Variants in ADGRL3 observed in about 807,000 individuals in gnomAD.
ADGRL3 encodes the protein adhesion G protein-coupled receptor L3, also known as calcium-independent alpha-latrotoxin receptor 3.
ADGRL3 carries 62 observed loss-of-function variants against 153.5 expected under a neutral mutation model. The observed-to-expected ratio is 0.40, with a 90% confidence interval of 0.33 to 0.50. The LOEUF (loss-of-function observed/expected upper bound fraction) is 0.50, where lower values mean the gene tolerates loss of function less well. Among genes scored for constraint, ADGRL3 ranks in the 20% least tolerant of loss-of-function variants. The pLI, the probability that ADGRL3 is intolerant of heterozygous loss-of-function variation, is 0.47. For missense variants in ADGRL3, 1,641 were observed against 1,859.4 expected, an observed-to-expected ratio of 0.88 and a Z score of 2.16; for synonymous variants, 710 against 672.5, an observed-to-expected ratio of 1.06 and a Z score of -0.86.
intron 6 of ADGRL3, among the ~76,000 whole-genome samples, chr4:61,715,680 A>G (rs1025056731): frequency 1.3e-5 from 2 of 152,130 alleles, no homozygotes; most frequent in African/African-American, 2.4e-5. Context: ...AAGATGTCAC[A>G]TAGCTATTTT....
At chr4:61,549,374 G>C (rs1398356093) in intron 4 of ADGRL3, among the ~76,000 whole-genome samples, 2 of 152,062 alleles carry the variant, frequency 1.3e-5, no homozygotes, top group Non-Finnish European at 2.9e-5. Context: ...ATTGATGAGA[G>C]AGGGCATCTT....
intron 9 of ADGRL3, among the ~76,000 whole-genome samples, chr4:61,844,519 C>G (rs2098083811): frequency 8.6e-6 from 1 of 116,562 alleles, no homozygotes; most frequent in Non-Finnish European, 1.6e-5. Flanking sequence ...TGCACTCCAG[C>G]CTGGGTGACA....
chr4:61,216,286 A>G (rs962139313), intron 1 of ADGRL3, among the ~76,000 whole-genome samples: 1 of 152,088 alleles, frequency 6.6e-6, no homozygotes, highest in African/African-American at 2.4e-5. Context: ...TATTTTTATC[A>G]TATTTCTCTA....
chr4:61,236,008 CTTTT>C (rs55932029), intron 1 of ADGRL3, among the ~76,000 whole-genome samples: 2 of 95,852 alleles, frequency 2.1e-5, no homozygotes, highest in African/African-American at 8.3e-5. Flanking sequence ...CTTTTCTTTT[CTTTT>C]TTTTTTTTTT....
chr4:61,955,448 T>C (rs989294), intron 17 of ADGRL3, among the ~76,000 whole-genome samples: 14,053 of 152,192 alleles, frequency 0.092, 792 homozygotes, highest in East Asian at 0.18. Context: ...AGATCAAATA[T>C]ACTTTGAAAT....
intron 9 of ADGRL3, among the ~76,000 whole-genome samples, chr4:61,883,161 C>G (rs2098518531): frequency 6.6e-6 from 1 of 152,114 alleles, no homozygotes; most frequent in African/African-American, 2.4e-5. Flanking sequence ...CCTCCCCCAA[C>G]ACAGCCTATC....
At chr4:61,700,927 C>T (rs1402220464) in intron 6 of ADGRL3, among the ~76,000 whole-genome samples, 2 of 152,120 alleles carry the variant, frequency 1.3e-5, no homozygotes, top group African/African-American at 4.8e-5. Flanking sequence ...ATTCTTAAAA[C>T]TTGCTGAGAA....
At chr4:61,267,827 A>T (rs1165736709) in intron 1 of ADGRL3, among the ~76,000 whole-genome samples, 1 of 36,134 alleles carries the variant, frequency 2.8e-5, no homozygotes, top group Admixed American at 4.4e-4. Flanking sequence ...GTTTTAGTTG[A>T]CTTCACTTTT....
Position 61,936,021 on chromosome 4 carries a change from A to G in ADGRL3, c.2395A>G (p.Thr799Ala). 6.2e-7 allele frequency: 1 copy of G among 1,610,940 alleles called. No homozygotes were observed. The change falls in exon 15 of 27, where the codon ACC becomes GCC. Residue 799 changes from threonine (T) to alanine (A), a missense_variant. By Grantham distance (58) the Thr-to-Ala change is moderately conservative (BLOSUM62 0). This residue lies in a region of ADGRL3 where 734 missense variants were observed against 797.0 expected (regional missense o/e 0.92). Transcript: ENST00000683033. ...HGSTIQLSAN[T>A]LKQNGRNGEI... ...AAGCACTATCCAGCTGTCTGCAAAT[A>G]CCTTAAAGCAAAATGGCCGAAATGG...
chr4:62,031,821 C>T (rs1722203046), intron 23 of ADGRL3, among the ~76,000 whole-genome samples: 1 of 151,442 alleles, frequency 6.6e-6, no homozygotes, highest in South Asian at 2.1e-4. Flanking sequence ...AAAACATTTT[C>T]TGATTTAAAC....
At chr4:61,905,536 A>G (rs74946669) in intron 11 of ADGRL3, among the ~76,000 whole-genome samples, 6,050 of 152,212 alleles carry the variant, frequency 0.04, 184 homozygotes, top group Non-Finnish European at 0.058. Flanking sequence ...TTTTAGGTAT[A>G]AAGATCCTGA....
chr4:61,826,061 T>A (rs537784060), intron 9 of ADGRL3, among the ~76,000 whole-genome samples: 1 of 152,302 alleles, frequency 6.6e-6, no homozygotes, highest in Admixed American at 6.5e-5. Flanking sequence ...CAATAGTGAA[T>A]GCCTAGGAGA....
Position 61,612,762 on chromosome 4 carries a change from T to C in ADGRL3, c.473+25322T>C, listed in dbSNP as rs529871525. On this transcript the variant is annotated intron_variant, in intron 5 of 26. Transcript: ENST00000683033. ...GGGCCATTTATAGGTTTTATTACTC[T>C]GAACACCCTTAATTACTTATTACTA... Among the ~76,000 whole-genome samples the C allele has an allele frequency of 1.9e-4, 29 of 152,310 alleles. 1 individual carries two copies. In the East Asian group the frequency reaches 2.5e-3, roughly 13 times the overall value.
chr4:61,410,428 G>C (rs925767797), intron 2 of ADGRL3, among the ~76,000 whole-genome samples: 1 of 151,534 alleles, frequency 6.6e-6, no homozygotes, highest in South Asian at 2.1e-4. Context: ...TTAGTGTTTA[G>C]TGCATATTTT....
chr4:61,551,137 C>T (rs2098738527), intron 4 of ADGRL3, among the ~76,000 whole-genome samples: 2 of 152,020 alleles, frequency 1.3e-5, no homozygotes, highest in Admixed American at 1.3e-4. Flanking sequence ...TGTGAATATT[C>T]CTTTTAGATT....
At chr4:61,311,696 G>A (rs1346268962) in intron 1 of ADGRL3, among the ~76,000 whole-genome samples, 9 of 152,094 alleles carry the variant, frequency 5.9e-5, no homozygotes, top group African/African-American at 2.2e-4. Flanking sequence ...AAAAATTACT[G>A]TAAAAGCACA....
chr4:61,513,973 A>G (rs1185718483), intron 3 of ADGRL3, among the ~76,000 whole-genome samples: 2 of 152,310 alleles, frequency 1.3e-5, no homozygotes, highest in Non-Finnish European at 1.5e-5. Context: ...CCTTCAACTT[A>G]TGGTTAATGC....
chr4:61,749,283 A>G (rs1416757883), intron 8 of ADGRL3, among the ~76,000 whole-genome samples: 6 of 151,758 alleles, frequency 4.0e-5, no homozygotes, highest in African/African-American at 7.3e-5. Context: ...TAGTTCAACC[A>G]TCGTGGAAGT....
chr4:61,383,595 C>T (rs2096699725), intron 2 of ADGRL3, among the ~76,000 whole-genome samples: 1 of 151,612 alleles, frequency 6.6e-6, no homozygotes, highest in Non-Finnish European at 1.5e-5. Flanking sequence ...TACACTAACA[C>T]AATGTGTTAA....
Sources: gnomAD v4.1 joint callset for allele counts (sites outside exome capture counted in the v4.1 genomes callset) on GRCh38, gnomAD v4.1.1 for gene constraint, gnomAD v4.1.1 regional missense constraint, MANE v1.5 for transcripts, NCBI Gene and HGNC (gene_info 2026-07-23, HGNC 2026-07-21) for gene names.